Variants in VEPH1 observed in about 807,000 individuals in gnomAD.
The protein encoded by VEPH1 is ventricular zone-expressed PH domain-containing protein homolog 1.
A neutral mutation model predicts 85.2 loss-of-function variants in VEPH1; 80 were observed. That is an observed-to-expected ratio of 0.94 (90% CI 0.78 to 1.13). The LOEUF (loss-of-function observed/expected upper bound fraction) is 1.13. VEPH1 is among the 50% of genes most tolerant of loss of function. The probability of loss-of-function intolerance (pLI) is 0.00; values close to 1 mark genes in which losing one functional copy is unlikely to be tolerated. For missense variants in VEPH1, 955 were observed against 980.5 expected (o/e 0.97, Z 0.35); for synonymous variants, 297 against 348.0 (o/e 0.85, Z 1.63).
intron 3 of VEPH1, among the ~76,000 whole-genome samples, chr3:157,461,844 C>G (rs542888546): frequency 1.3e-5 from 2 of 151,760 alleles, no homozygotes; most frequent in African/African-American, 4.8e-5. Context: ...GAGAACATCT[C>G]GATGGCCTCA....
chr3:157,347,613 T>G (rs1724375414), intron 9 of VEPH1, among the ~76,000 whole-genome samples: 1 of 152,202 alleles, frequency 6.6e-6, no homozygotes, highest in South Asian at 2.1e-4. Context: ...GAGATGCACA[T>G]GTGGTGATTG....
At chr3:157,471,957 A>G (rs1004315758) in intron 2 of VEPH1, among the ~76,000 whole-genome samples, 3 of 152,172 alleles carry the variant, frequency 2.0e-5, no homozygotes, top group African/African-American at 7.2e-5. Flanking sequence ...ATACATAAAC[A>G]TCGTACAAAA....
At chr3:157,464,864 C>A (rs12496305) in intron 3 of VEPH1, among the ~76,000 whole-genome samples, 2 of 152,110 alleles carry the variant, frequency 1.3e-5, no homozygotes, top group African/African-American at 4.8e-5. Context: ...AATATTAAAC[C>A]TCATTTATTA....
At chr3:157,264,646 GTTTCTTT>G (rs1713372015) in intron 13 of VEPH1, among the ~76,000 whole-genome samples, 1 of 152,124 alleles carries the variant, frequency 6.6e-6, no homozygotes, top group Non-Finnish European at 1.5e-5. Context: ...AATCCAATCA[GTTTCTTT>G]GACTCAGTTT....
intron 9 of VEPH1, among the ~76,000 whole-genome samples, chr3:157,355,973 C>A (rs762181256): frequency 1.3e-5 from 2 of 151,140 alleles, no homozygotes; most frequent in Non-Finnish European, 2.9e-5. Context: ...AGTCACCGCT[C>A]ACTGCAGCCT....
At chr3:157,416,229 C>T (rs1444063244) in intron 5 of VEPH1, among the ~76,000 whole-genome samples, 4 of 152,084 alleles carry the variant, frequency 2.6e-5, no homozygotes, top group Non-Finnish European at 4.4e-5. Context: ...GAGTTGTACA[C>T]AATGTTTAAA....
intron 9 of VEPH1, among the ~76,000 whole-genome samples, chr3:157,347,681 T>C (rs1216600460): frequency 6.6e-6 from 1 of 152,220 alleles, no homozygotes; most frequent in Admixed American, 6.5e-5. Context: ...CTTCCTTTTA[T>C]GGATTGGATC....
intron 2 of VEPH1, among the ~76,000 whole-genome samples, chr3:157,478,818 T>A (rs925634110): frequency 6.6e-6 from 1 of 152,232 alleles, no homozygotes; most frequent in Non-Finnish European, 1.5e-5. Context: ...ACATCAGTTA[T>A]GAACTTTGAT....
chr3:157,313,663 G>C lies in VEPH1; in HGVS notation c.1968C>G (p.Ser656Arg). The C allele has an allele frequency of 6.2e-7, 1 of 1,614,144 alleles. No homozygotes were observed. Among genetic ancestry groups the C allele is most frequent in the Non-Finnish European group, 8.5e-7 (1 of 1,180,026 alleles). The stretch of plus-strand genomic sequence containing the variant: ...TGGACTCCATCATGGCAGTTTCAAA[G>C]CTGTGAGCACCCCCTGCCTGGGTCT... ...WEKTQAGGAH[S>R]FETAMMESTF... Residue 656 changes from serine (S) to arginine (R), a missense_variant, in exon 11 of 14, where the codon AGC becomes AGG. Physicochemically the swap from Ser to Arg is moderately radical, Grantham distance 110. Transcript: ENST00000362010.
intron 11 of VEPH1, among the ~76,000 whole-genome samples, chr3:157,290,858 A>C (rs1267010998): frequency 6.6e-6 from 1 of 152,248 alleles, no homozygotes; most frequent in African/African-American, 2.4e-5. Flanking sequence ...AAACTCTATA[A>C]TAAGTCTAAG....
Position 157,411,550 on chromosome 3 carries a change from C to T in VEPH1, c.906+2331G>A, listed in dbSNP as rs114539932. Among the ~76,000 whole-genome samples, 966 of 152,236 alleles carry T rather than the reference C, an allele frequency of 6.3e-3. 13 individuals are homozygous for T. Among genetic ancestry groups the T allele is most frequent in the African/African-American group, 0.022 (912 of 41,562 alleles). Reference sequence around the variant, plus strand: ...TGGCACAGGTTCCCGTAAATCCAGACTTCTGGTACTCTTTTCAGGAGATTA... The same window carrying T: ...TGGCACAGGTTCCCGTAAATCCAGATTTCTGGTACTCTTTTCAGGAGATTA... On this transcript the variant is annotated intron_variant, in intron 6 of 13. Transcript: ENST00000362010.
At chr3:157,428,983 A>C (rs961507827) in intron 4 of VEPH1, among the ~76,000 whole-genome samples, 6 of 152,242 alleles carry the variant, frequency 3.9e-5, no homozygotes, top group African/African-American at 1.4e-4. Context: ...GCCTTATTTT[A>C]TGAATAGTTT....
chr3:157,420,099 AT>A (rs879884469), intron 5 of VEPH1, among the ~76,000 whole-genome samples: 4 of 150,746 alleles, frequency 2.7e-5, no homozygotes, highest in Admixed American at 1.3e-4. Flanking sequence ...ACATGTTCTC[AT>A]TTATAAGTGG....
At position 157,260,715 on chromosome 3, in the gene VEPH1, A is replaced by C. The variant is rs1338762229; in HGVS notation, c.*419T>G. ...GTTTTTTTTTTTAAAGTTTTCTTTT[A>C]ATACCTTTGACAGACTGTGATTTTC... is the stretch of plus-strand genomic sequence containing the variant. On this transcript the variant is annotated 3_prime_UTR_variant, in exon 14 of 14. Coordinates refer to ENST00000362010, the MANE Select transcript of VEPH1 (RefSeq NM_001167912.2). The C allele has an allele frequency of 5.2e-5, 8 of 154,292 alleles. No individual in the cohort carries two copies. Among genetic ancestry groups the C allele is most frequent in the African/African-American group, 1.9e-4 (8 of 41,394 alleles). 9.6% of individuals were successfully genotyped at this position (154,292 alleles called of 1,614,324 possible). A position where few individuals can be genotyped will look rare whatever the true frequency, so the allele number is the denominator to read the frequency against.
chr3:157,496,625 G>A (rs1577819022), intron 1 of VEPH1, among the ~76,000 whole-genome samples: 5 of 152,224 alleles, frequency 3.3e-5, no homozygotes, highest in Non-Finnish European at 1.5e-5. Flanking sequence ...GCCAGAAAGA[G>A]TGTGAAAAGG....
intron 9 of VEPH1, among the ~76,000 whole-genome samples, chr3:157,322,092 C>T (rs1721414582): frequency 6.6e-6 from 1 of 152,018 alleles, no homozygotes; most frequent in African/African-American, 2.4e-5. Flanking sequence ...AACCCTATAC[C>T]CATTAAACCG....
intron 11 of VEPH1, among the ~76,000 whole-genome samples, chr3:157,292,388 C>T (rs80105205): frequency 0.044 from 6,675 of 152,198 alleles, 173 homozygotes; most frequent in South Asian, 0.11. Flanking sequence ...TCATTCTTTT[C>T]CACAATAGTT....
chr3:157,294,067 A>G (rs1006410948), intron 11 of VEPH1, among the ~76,000 whole-genome samples: 10 of 152,168 alleles, frequency 6.6e-5, no homozygotes, highest in African/African-American at 2.4e-4. Context: ...ACAAATATTT[A>G]GTACTACTTG....
rs1311081839 is a variant in VEPH1 at position 157,369,187 on chromosome 3, A to C, written c.1128-4675T>G. ...CAACAACAAAAACCAAATGAAAAAA[A>C]AAAAAAAAAAAAAAAAACCTCCTGA... On this transcript the variant is annotated intron_variant, in intron 7 of 13. Transcript: ENST00000362010. 1.7e-3 allele frequency among the ~76,000 whole-genome samples: 236 copies of C among 142,124 alleles called. 4 individuals carry two copies. The highest frequency in any genetic ancestry group is 5.7e-3 in the African/African-American group (217 of 37,948). 93.2% of individuals were successfully genotyped at this position (142,124 alleles called of 152,430 possible).
Sources: allele counts gnomAD v4.1 joint callset (sites outside exome capture counted in the v4.1 genomes callset), GRCh38; gene constraint gnomAD v4.1.1; transcripts MANE v1.5; gene names NCBI Gene and HGNC (gene_info 2026-07-23, HGNC 2026-07-21).